SLC12A7: variants seen among roughly 807,000 people sequenced by gnomAD.
SLC12A7 encodes the protein K-Cl cotransporter 4.
Under a neutral mutation model 120.6 loss-of-function variants are expected in SLC12A7, and 100 were observed. The observed-to-expected ratio is 0.83, with a 90% CI of 0.71 to 0.98. SLC12A7 has a LOEUF of 0.98. Ranked by LOEUF, SLC12A7 falls within the 50% of genes least tolerant of loss-of-function variation. SLC12A7 has a pLI of 0.00. For missense variants in SLC12A7, 1,373 were observed against 1,548.1 expected, an observed-to-expected ratio of 0.89 and a Z score of 1.90; for synonymous variants, 760 against 678.0, an observed-to-expected ratio of 1.12 and a Z score of -1.88.
chr5:1,060,280 G>C, intron 21 of SLC12A7, 64 bp downstream of exon 21: 2 of 1,246,552 alleles, frequency 1.6e-6, no homozygotes, highest in South Asian at 1.2e-5. Flanking sequence ...TCCCAGAAAA[G>C]ACTCGGCGAA....
chr5:1,134,846 G>A, the SLC12A7 span, among the ~76,000 whole-genome samples: 1 of 152,012 alleles, frequency 6.6e-6, no homozygotes, highest in Non-Finnish European at 1.5e-5. Context: ...TAAAAAAGAA[G>A]GGCACGGCCA....
intron 18 of SLC12A7, 23 bp from the exon 19 acceptor site, chr5:1,064,275 G>T: frequency 6.3e-7 from 1 of 1,597,602 alleles, no homozygotes; most frequent in Non-Finnish European, 8.5e-7. Context: ...GCGGCCGTCC[G>T]CAGGTCATCT....
chr5:1,077,895 G>C lies in SLC12A7; in HGVS notation c.1567C>G (p.Leu523Val). ...FSTCGAGLQS[L>V]TGAPRLLQAI... Reference sequence around the variant, plus strand: ...TGCAGTAGGCGCGGTGCCCCCGTGAGGCTCTGCAGGCCGGCACCGCAGGTG... The same window carrying C: ...TGCAGTAGGCGCGGTGCCCCCGTGACGCTCTGCAGGCCGGCACCGCAGGTG... The change falls in exon 12 of 24, where the codon CTC becomes GTC. Residue 523 changes from leucine to valine, a missense_variant. Coordinates refer to ENST00000264930, the MANE Select transcript of SLC12A7 (RefSeq NM_006598.3). 6.3e-7 allele frequency: 1 copy of C among 1,599,222 alleles called. No individual in the cohort carries two copies. Among genetic ancestry groups the C allele is most frequent in the Non-Finnish European group, 8.5e-7 (1 of 1,173,784 alleles).
chr5:1,153,501 A>C, the SLC12A7 span, among the ~76,000 whole-genome samples: 1 of 152,178 alleles, frequency 6.6e-6, no homozygotes, highest in Non-Finnish European at 1.5e-5. Flanking sequence ...GGCTCCCTAG[A>C]AAGGAGAATG....
chr5:1,061,075 T>C (rs1193109912), intron 20 of SLC12A7, among the ~76,000 whole-genome samples: 23 of 81,640 alleles, frequency 2.8e-4, no homozygotes, highest in African/African-American at 1.4e-3. Flanking sequence ...CCGCCGCACC[T>C]GCCGCATCCG....
intron 13 of SLC12A7, 37 bp from the exon 14 acceptor site, chr5:1,076,273 GGCCCCCCTGA>G: frequency 6.5e-7 from 1 of 1,549,644 alleles, no homozygotes; most frequent in Admixed American, 1.9e-5. Context: ...GGGCCCACTG[GGCCCCCCTGA>G]GCCCCCAGTC....
intron 17 of SLC12A7, 122 bp downstream of exon 17, chr5:1,073,510 TA>T (rs1311953224): frequency 2.6e-6 from 3 of 1,141,916 alleles, no homozygotes; most frequent in East Asian, 5.5e-5. Context: ...CCGCCACGGC[TA>T]AAACACAGCA....
intron 1 of SLC12A7, among the ~76,000 whole-genome samples, chr5:1,095,341 G>A (rs1426404036): frequency 6.6e-6 from 1 of 152,208 alleles, no homozygotes; most frequent in Non-Finnish European, 1.5e-5. Flanking sequence ...CAGCCTGCCC[G>A]GGACCCCTGA....
At chr5:1,118,164 G>A in the SLC12A7 span, among the ~76,000 whole-genome samples, 2 of 152,184 alleles carry the variant, frequency 1.3e-5, no homozygotes, top group Non-Finnish European at 2.9e-5. Flanking sequence ...AGCCAGCTCT[G>A]CGTGAATCCC....
intron 8 of SLC12A7, among the ~76,000 whole-genome samples, 191 bp from the exon 9 acceptor site, chr5:1,081,935 T>C (rs902948012): frequency 6.6e-6 from 1 of 152,246 alleles, no homozygotes; most frequent in Non-Finnish European, 1.5e-5. Context: ...TGTCTGCGTC[T>C]ACGGAGGGAA....
At chr5:1,090,600 G>C (rs1579404662) in intron 3 of SLC12A7, among the ~76,000 whole-genome samples, 1 of 152,188 alleles carries the variant, frequency 6.6e-6, no homozygotes, top group Non-Finnish European at 1.5e-5. Flanking sequence ...AAGGCTCCAG[G>C]GACAATTGTT....
In SLC12A7 at chr5:1,103,403, A is replaced by G. The variant is rs1247880614; in HGVS notation, c.124+8465T>C. Among the ~76,000 whole-genome samples the G allele has an allele frequency of 2.0e-5, 3 of 152,222 alleles. No individual in the cohort carries two copies. In the East Asian group the frequency reaches 5.8e-4, roughly 29 times the overall value. ...CCTGGCAAGCTATGGCCAGACACAC[A>G]TGAACACACGCCACAGAAAATATAC... On this transcript the variant is annotated intron_variant, in intron 1 of 23. Coordinates refer to ENST00000264930, the MANE Select transcript of SLC12A7 (RefSeq NM_006598.3).
intron 1 of SLC12A7, among the ~76,000 whole-genome samples, chr5:1,108,041 C>CACACACACACAT: frequency 6.6e-6 from 1 of 152,080 alleles, no homozygotes; most frequent in Non-Finnish European, 1.5e-5. Context: ...CACACACACA[C>CACACACACACAT]GTGAGCATGC....
chr5:1,153,536 C>T, the SLC12A7 span, among the ~76,000 whole-genome samples: 6 of 152,216 alleles, frequency 3.9e-5, no homozygotes, highest in Admixed American at 2.6e-4. Context: ...CCAGTAGGGT[C>T]GGCCCGACTC....
At position 1,077,882 on chromosome 5, in the gene SLC12A7, G is replaced by A. The variant is rs751886456; in HGVS notation, c.1580C>T (p.Pro527Leu). The A allele has an allele frequency of 6.6e-5, 106 of 1,597,956 alleles. No individual in the cohort carries two copies. The highest frequency in any genetic ancestry group is 8.1e-5 in the Non-Finnish European group (95 of 1,173,118). ...GAGLQSLTGA[P>L]RLLQAIARDG... ...ACGGGCAATGGCCTGCAGTAGGCGC[G>A]GTGCCCCCGTGAGGCTCTGCAGGCC... Residue 527 changes from proline to leucine, a missense_variant, in exon 12 of 24, where the codon CCG becomes CTG. Physicochemically the swap from Pro to Leu is moderately conservative, Grantham distance 98. Coordinates refer to ENST00000264930, the MANE Select transcript of SLC12A7 (RefSeq NM_006598.3).
chr5:1,103,056 C>T (rs1579437357), intron 1 of SLC12A7, among the ~76,000 whole-genome samples: 1 of 152,308 alleles, frequency 6.6e-6, no homozygotes, highest in Non-Finnish European at 1.5e-5. Flanking sequence ...TGCCCTCCCT[C>T]TGCCCCTCAC....
intron 3 of SLC12A7, among the ~76,000 whole-genome samples, chr5:1,092,904 GGGCCTCA>G (rs1190231690): frequency 1.3e-5 from 2 of 152,142 alleles, no homozygotes; most frequent in Admixed American, 6.5e-5. Flanking sequence ...CGTCACCTCA[GGGCCTCA>G]GGCCTCAGGG....
At chr5:1,088,043 C>T (rs1740081122) in intron 5 of SLC12A7, among the ~76,000 whole-genome samples, 1 of 152,218 alleles carries the variant, frequency 6.6e-6, no homozygotes, top group South Asian at 2.1e-4. Flanking sequence ...GTGCCTCCCC[C>T]TCCCCAGCCC....
At chr5:1,078,530 C>T (rs993766833) in intron 11 of SLC12A7, 171 bp downstream of exon 11, 8 of 650,708 alleles carry the variant, frequency 1.2e-5, no homozygotes, top group African/African-American at 9.1e-5. Flanking sequence ...TAGGCTCCAG[C>T]GGAAGAGACG....
Sources: gnomAD v4.1 joint callset for allele counts (sites outside exome capture counted in the v4.1 genomes callset) on GRCh38, gnomAD v4.1.1 for gene constraint, MANE v1.5 for transcripts, NCBI Gene and HGNC (gene_info 2026-07-23, HGNC 2026-07-21) for gene names.